Variants in PNPT1 observed in about 807,000 individuals in gnomAD.
PNPT1 encodes the protein polyribonucleotide nucleotidyltransferase 1, mitochondrial.
Under a neutral mutation model 119.5 loss-of-function variants are expected in PNPT1, and 53 were observed. The observed-to-expected ratio is 0.44, with a 90% CI of 0.36 to 0.56. The LOEUF is 0.56. Ranked by LOEUF, PNPT1 falls within the 20% of genes least tolerant of loss-of-function variation. The pLI is 0.00. For missense variants in PNPT1, 948 were observed against 938.5 expected (o/e 1.01, Z -0.13); for synonymous variants, 357 against 322.1 (o/e 1.11, Z -1.16).
intron 8 of PNPT1, among the ~76,000 whole-genome samples, chr2:55,673,799 T>C (rs186009575): frequency 1.5e-4 from 23 of 152,222 alleles, no homozygotes; most frequent in African/African-American, 4.8e-4. Flanking sequence ...GAACTGTTTA[T>C]ATTATTTGCC....
At chr2:55,665,560 A>G (rs2104102610) in intron 13 of PNPT1, among the ~76,000 whole-genome samples, 1 of 152,344 alleles carries the variant, frequency 6.6e-6, no homozygotes, top group South Asian at 2.1e-4. Flanking sequence ...TAAAAAAAGA[A>G]AAACTGGCCA....
At chr2:55,641,705 T>G (rs1695837980) in intron 25 of PNPT1, among the ~76,000 whole-genome samples, 1 of 152,232 alleles carries the variant, frequency 6.6e-6, no homozygotes, top group South Asian at 2.1e-4. Context: ...ATTATCTCCT[T>G]GCCTTTTATT....
At chr2:55,644,790 AC>A in intron 22 of PNPT1, 70 bp from the exon 23 acceptor site, 1 of 1,124,352 alleles carries the variant, frequency 8.9e-7, no homozygotes, top group Non-Finnish European at 1.2e-6. Flanking sequence ...TGCCATGGTC[AC>A]TTGAGATTTT....
At chr2:55,667,573 G>A (rs947398068) in intron 12 of PNPT1, among the ~76,000 whole-genome samples, 1 of 145,024 alleles carries the variant, frequency 6.9e-6, no homozygotes, top group Admixed American at 6.9e-5. Context: ...GTGACAGAGC[G>A]AGACTCTGTC....
intron 8 of PNPT1, among the ~76,000 whole-genome samples, chr2:55,673,451 CTT>C (rs1235731095): frequency 1.3e-4 from 18 of 143,282 alleles, no homozygotes; most frequent in Non-Finnish European, 1.4e-4. Context: ...GTTTTTAATA[CTT>C]TTTTTTTTTT....
At chr2:55,674,862 C>G (rs971585753) in intron 8 of PNPT1, among the ~76,000 whole-genome samples, 3 of 152,178 alleles carry the variant, frequency 2.0e-5, no homozygotes, top group African/African-American at 7.2e-5. Flanking sequence ...TTCTTTTTCT[C>G]ATCTGTATTT....
intron 18 of PNPT1, among the ~76,000 whole-genome samples, chr2:55,651,754 C>A (rs1359489050): frequency 7.3e-6 from 1 of 136,894 alleles, no homozygotes. Context: ...CTGTGAGAAA[C>A]ACCCAAGAAT....
intron 3 of PNPT1, 152 bp from the exon 4 acceptor site, chr2:55,685,200 A>G (rs1023591749): frequency 9.2e-6 from 5 of 546,406 alleles, no homozygotes; most frequent in African/African-American, 7.6e-5. Context: ...TTTTGGGGAG[A>G]GGAAAGTTGA....
intron 1 of PNPT1, among the ~76,000 whole-genome samples, chr2:55,691,831 T>C (rs1338674210): frequency 1.4e-5 from 2 of 145,218 alleles, no homozygotes; most frequent in African/African-American, 2.5e-5. Context: ...TCTATATTAC[T>C]CTTCAATTAA....
chr2:55,681,904 G>C (rs1430632360), intron 5 of PNPT1, among the ~76,000 whole-genome samples: 1 of 150,848 alleles, frequency 6.6e-6, no homozygotes, highest in African/African-American at 2.4e-5. Context: ...CATGTTGGGA[G>C]GCTGAGGCGG....
chr2:55,645,481 C>A, intron 21 of PNPT1, 49 bp from the exon 22 acceptor site: 1 of 1,207,186 alleles, frequency 8.3e-7, no homozygotes, highest in Non-Finnish European at 1.2e-6. Flanking sequence ...CAAATATGAT[C>A]TGAAATACTG....
At position 55,660,321 on chromosome 2, in the gene PNPT1, C is replaced by T. The variant is rs1559097663; in HGVS notation, c.1248-128G>A. 8 of 938,548 alleles carry T rather than the reference C, an allele frequency of 8.5e-6. No individual in the cohort carries two copies. The East Asian group carries it at 2.1e-4, about 25-fold the overall frequency. The allele number at this position is 938,548 out of a possible 1,614,324, so 58.1% of individuals were successfully genotyped here. On this transcript the variant is annotated intron_variant, in intron 14 of 27. Transcript: ENST00000447944. ...GTGTTAATGAAAAATCAGACTGAAA[C>T]TGAAAACCAAAGAATTAATTAGAAG...
intron 26 of PNPT1, among the ~76,000 whole-genome samples, chr2:55,637,904 G>C (rs944830385): frequency 7.3e-5 from 11 of 151,678 alleles, no homozygotes; most frequent in Non-Finnish European, 1.0e-4. Flanking sequence ...GGAGGCTGAG[G>C]CAGGAGAATG....
chr2:55,659,133 T>C (rs992577148), intron 15 of PNPT1, among the ~76,000 whole-genome samples: 1 of 151,934 alleles, frequency 6.6e-6, no homozygotes, highest in Non-Finnish European at 1.5e-5. Context: ...TTTTAGATCT[T>C]CTTGTAGAGA....
intron 2 of PNPT1, 87 bp from the exon 3 acceptor site, chr2:55,686,531 T>G: frequency 1.1e-6 from 1 of 931,370 alleles, no homozygotes; most frequent in Non-Finnish European, 1.6e-6. Context: ...TTACTCCAAT[T>G]AAACTCAAGA....
chr2:55,648,437 A>C (rs1222184921), intron 18 of PNPT1, among the ~76,000 whole-genome samples: 3 of 152,232 alleles, frequency 2.0e-5, no homozygotes, highest in Admixed American at 6.5e-5. Flanking sequence ...AAGACATAGC[A>C]TTTTAAACTT....
chr2:55,636,006 CTTACTT>C lies in PNPT1; in HGVS notation c.*225_*230del, dbSNP rs1572789416. 1 of 261,546 alleles carries C rather than the reference CTTACTT, an allele frequency of 3.8e-6. No homozygotes were observed. Among genetic ancestry groups the C allele is most frequent in the Non-Finnish European group, 7.0e-6 (1 of 142,788 alleles). The allele number at this position is 261,546 out of a possible 1,614,324, so 16.2% of individuals were successfully genotyped here. ...AATTTTTTCTAAGATGTATAAATGA[CTTACTT>C]TTAATAATAAATATTTCTTGATTTA... On this transcript the variant is annotated 3_prime_UTR_variant, in exon 28 of 28. Coordinates refer to ENST00000447944, the MANE Select transcript of PNPT1 (RefSeq NM_033109.5).
chr2:55,643,478 G>C, intron 23 of PNPT1, 53 bp from the exon 24 acceptor site: 3 of 1,478,042 alleles, frequency 2.0e-6, no homozygotes, highest in Non-Finnish European at 2.8e-6. Context: ...GGCATAGTGG[G>C]TCACATCTGT....
intron 11 of PNPT1, among the ~76,000 whole-genome samples, chr2:55,671,020 A>G (rs961217872): frequency 2.3e-4 from 35 of 152,216 alleles, no homozygotes; most frequent in African/African-American, 8.0e-4. Context: ...AAATTAAAAA[A>G]TACATAGTAA....
Sources: gnomAD v4.1 joint callset for allele counts (sites outside exome capture counted in the v4.1 genomes callset) on GRCh38, gnomAD v4.1.1 for gene constraint, MANE v1.5 for transcripts, NCBI Gene and HGNC (gene_info 2026-07-23, HGNC 2026-07-21) for gene names.